Variants in SEPTIN6 observed in about 807,000 individuals in gnomAD.
The protein encoded by SEPTIN6 is septin 6.
Under a neutral mutation model 33.6 loss-of-function variants are expected in SEPTIN6, and 8 were observed. The ratio of observed to expected loss-of-function variants is 0.24; its 90% CI spans 0.14 to 0.43. The LOEUF (loss-of-function observed/expected upper bound fraction) is 0.43. Ranked by LOEUF, SEPTIN6 falls within the 20% of genes least tolerant of loss-of-function variation. The probability of loss-of-function intolerance (pLI) is 1.00; values close to 1 mark genes in which losing one functional copy is unlikely to be tolerated. For synonymous variants in SEPTIN6, 131 were observed against 140.0 expected (o/e 0.94, Z 0.45); for missense variants, 250 against 340.8 (o/e 0.73, Z 2.10).
intron 1 of SEPTIN6, among the ~76,000 whole-genome samples, chrX:119,682,821 G>T (rs2054985833): frequency 9.0e-6 from 1 of 111,593 alleles, no homozygotes. Flanking sequence ...TGTCAATGGA[G>T]AATTTCCCGC....
At chrX:119,657,991 G>A (rs868433849) in intron 3 of SEPTIN6, among the ~76,000 whole-genome samples, 15 of 111,160 alleles carry the variant, frequency 1.3e-4, no homozygotes, top group African/African-American at 4.9e-4. Context: ...GCCGGGCGTG[G>A]TGGTGGGCGC....
At chrX:119,658,082 G>C (rs746810783) in intron 3 of SEPTIN6, among the ~76,000 whole-genome samples, 9 of 112,053 alleles carry the variant, frequency 8.0e-5, no homozygotes, top group Non-Finnish European at 1.3e-4. Context: ...AGCCGAGATA[G>C]CGCCACTGCA....
intron 5 of SEPTIN6, among the ~76,000 whole-genome samples, chrX:119,641,614 T>C (rs1056719716): frequency 9.0e-6 from 1 of 111,193 alleles, no homozygotes; most frequent in African/African-American, 3.3e-5. Context: ...AAAGGACAAA[T>C]AGGTTTATGA....
At chrX:119,691,342 C>T (rs767709854) in intron 1 of SEPTIN6, among the ~76,000 whole-genome samples, 186 of 112,112 alleles carry the variant, frequency 1.7e-3, no homozygotes, top group African/African-American at 5.8e-3. Context: ...AAATCATTAG[C>T]GTCATTTTTG....
At chrX:119,690,478 A>G (rs1201116842) in intron 1 of SEPTIN6, among the ~76,000 whole-genome samples, 2 of 109,553 alleles carry the variant, frequency 1.8e-5, no homozygotes, top group Non-Finnish European at 3.8e-5. Context: ...TAATCCCAAC[A>G]CTTTGGGAGG....
intron 2 of SEPTIN6, among the ~76,000 whole-genome samples, chrX:119,672,701 T>C (rs899039658): frequency 4.4e-5 from 5 of 112,498 alleles, no homozygotes; most frequent in African/African-American, 1.6e-4. Flanking sequence ...AGCCAAAGAT[T>C]GGAGCTCTTG....
rs2053917337 is a variant in SEPTIN6, at chrX:119,629,359, A to G, written c.1239T>C (p.Ala413=). ...CTCTCTTCAGAGTCTGTGAGCCTCC[A>G]GCCTGGGAGCCCTGGGACTGGAGCA... The part of the protein sequence containing the change: ...AELLQSQGSQ[A]GGSQTLKRDK... Residue 413 remains alanine (A), a synonymous_variant, in exon 9 of 11, where the codon GCT becomes GCC. Transcript: ENST00000394610. The G allele has an allele frequency of 1.7e-6, 2 of 1,210,006 alleles. No individual in the cohort carries two copies. The highest frequency in any genetic ancestry group is 3.5e-5 in the African/African-American group (2 of 57,206).
chrX:119,649,653 C>T (rs1249729351), intron 5 of SEPTIN6, among the ~76,000 whole-genome samples: 2 of 109,908 alleles, frequency 1.8e-5, no homozygotes, highest in Non-Finnish European at 3.8e-5. Flanking sequence ...AGGAGGATCG[C>T]TTGAGCCCAG....
At chrX:119,677,467 G>A (rs4991683) in intron 1 of SEPTIN6, among the ~76,000 whole-genome samples, 14,358 of 111,195 alleles carry the variant, frequency 0.13, 955 homozygotes, top group Admixed American at 0.31. Flanking sequence ...ACTATGTAAG[G>A]AGTCAGTTTC....
At chrX:119,632,559 T>C (rs1198798040) in intron 8 of SEPTIN6, among the ~76,000 whole-genome samples, 1 of 110,882 alleles carries the variant, frequency 9.0e-6, no homozygotes, top group Non-Finnish European at 1.9e-5. Context: ...TCATGGGCTT[T>C]GGTGAGAACC....
chrX:119,668,460 G>A (rs937358406), intron 2 of SEPTIN6, among the ~76,000 whole-genome samples: 2 of 112,137 alleles, frequency 1.8e-5, no homozygotes, highest in Non-Finnish European at 3.8e-5. Context: ...AAATGAGAGC[G>A]TTGGTAATAA....
intron 5 of SEPTIN6, chrX:119,646,864 G>A (rs779277542): frequency 1.8e-5 from 4 of 216,849 alleles, no homozygotes; most frequent in Non-Finnish European, 4.2e-5. Flanking sequence ...CATACACCAC[G>A]GCTTGTGTGA....
At chrX:119,688,172 AC>A (rs1268343447) in intron 1 of SEPTIN6, among the ~76,000 whole-genome samples, 1 of 111,442 alleles carries the variant, frequency 9.0e-6, no homozygotes, top group Non-Finnish European at 1.9e-5. Context: ...GATCTCACCC[AC>A]CTTCACACCT....
At position 119,633,343 on chromosome X, in the gene SEPTIN6, A is replaced by C. The variant is rs1357365017; in HGVS notation, c.1089+17T>G. On this transcript the variant is annotated intron_variant, in intron 8 of 10. Transcript: ENST00000394610. ...GTTGTTTCTTGACATTTTAATAATC[A>C]CCAGGCTCACATTTACCTCTTTCTC... 8.4e-7 allele frequency: 1 copy of C among 1,193,073 alleles called. No individual in the cohort carries two copies. Among genetic ancestry groups the C allele is most frequent in the Admixed American group, 2.3e-5 (1 of 42,839 alleles).
At chrX:119,635,019 A>AG (rs1263111257) in intron 7 of SEPTIN6, 1 of 249,138 alleles carries the variant, frequency 4.0e-6, no homozygotes, top group African/African-American at 2.9e-5. Context: ...AAAAAAAAAA[A>AG]AAAAAAAAGA....
At chrX:119,641,268 T>C (rs953851307) in intron 5 of SEPTIN6, among the ~76,000 whole-genome samples, 1 of 111,557 alleles carries the variant, frequency 9.0e-6, no homozygotes, top group African/African-American at 3.3e-5. Flanking sequence ...CACAGCCAAC[T>C]GAGCTGTACT....
chrX:119,659,087 T>C (rs1179312110), intron 3 of SEPTIN6, among the ~76,000 whole-genome samples: 1 of 112,442 alleles, frequency 8.9e-6, no homozygotes, highest in African/African-American at 3.2e-5. Context: ...TCTCTGATGT[T>C]TTCTCCTTAT....
At chrX:119,622,874 AACTG>A (rs1417499247) in intron 10 of SEPTIN6, among the ~76,000 whole-genome samples, 17 of 112,453 alleles carry the variant, frequency 1.5e-4, no homozygotes, top group African/African-American at 3.2e-4. Flanking sequence ...GCATTCTAGG[AACTG>A]ACTGTCTTCC....
At chrX:119,636,912 G>T in intron 7 of SEPTIN6, 115 bp downstream of exon 7, 1 of 903,224 alleles carries the variant, frequency 1.1e-6, no homozygotes, top group Middle Eastern at 3.5e-4. Context: ...GCTCCTTGAG[G>T]TCTTAGCACC....
Sources: gnomAD v4.1 joint callset for allele counts (sites outside exome capture counted in the v4.1 genomes callset) on GRCh38, gnomAD v4.1.1 for gene constraint, MANE v1.5 for transcripts, NCBI Gene and HGNC (gene_info 2026-07-23, HGNC 2026-07-21) for gene names.